The following CORO2B variants were observed in gnomAD, a reference collection of about 807,000 sequenced individuals.
CORO2B encodes coronin-2B.
CORO2B carries 26 observed loss-of-function variants against 58.8 expected under a neutral mutation model. The observed-to-expected ratio is 0.44, with a 90% confidence interval of 0.32 to 0.61. The LOEUF is 0.61. Among genes scored for constraint, CORO2B ranks in the 20% least tolerant of loss-of-function variants. The pLI, the probability that CORO2B is intolerant of heterozygous loss-of-function variation, is 0.04. For missense variants in CORO2B, 460 were observed against 645.1 expected (o/e 0.71, Z 3.11); for synonymous variants, 242 against 253.8 (o/e 0.95, Z 0.44).
At chr15:68,569,008 TA>T in the CORO2B span, among the ~76,000 whole-genome samples, 12 of 151,722 alleles carry the variant, frequency 7.9e-5, no homozygotes, top group South Asian at 4.2e-4. Flanking sequence ...AAAAAGCACA[TA>T]AAAAAAAGAA....
intron 2 of CORO2B, among the ~76,000 whole-genome samples, chr15:68,663,560 A>G (rs1387735475): frequency 6.6e-6 from 1 of 152,254 alleles, no homozygotes; most frequent in Non-Finnish European, 1.5e-5. Context: ...AGCAATAGCT[A>G]TAAAACAATC....
chr15:68,519,287 T>C, the CORO2B span, among the ~76,000 whole-genome samples: 1 of 152,158 alleles, frequency 6.6e-6, no homozygotes, highest in Non-Finnish European at 1.5e-5. Flanking sequence ...GCATGTGTGG[T>C]TGGCTGAAGT....
intron 2 of CORO2B, among the ~76,000 whole-genome samples, chr15:68,688,171 A>G (rs1903049488): frequency 1.3e-5 from 2 of 152,236 alleles, no homozygotes; most frequent in Admixed American, 1.3e-4. Context: ...TTTTTCAATC[A>G]AGGCTATGGG....
the CORO2B span, among the ~76,000 whole-genome samples, chr15:68,554,299 G>A: frequency 6.6e-6 from 1 of 152,084 alleles, no homozygotes; most frequent in Non-Finnish European, 1.5e-5. Context: ...TCCCAGCCTC[G>A]GGACGTGGAG....
At chr15:68,544,117 A>G in the CORO2B span, among the ~76,000 whole-genome samples, 2 of 152,192 alleles carry the variant, frequency 1.3e-5, no homozygotes, top group African/African-American at 4.8e-5. Flanking sequence ...ACAGACAACC[A>G]TGCAGTGCAG....
chr15:68,561,192 C>T, the CORO2B span, among the ~76,000 whole-genome samples: 2 of 152,086 alleles, frequency 1.3e-5, no homozygotes, highest in Non-Finnish European at 2.9e-5. Flanking sequence ...TGAGGGTGCT[C>T]GGGAGATAAG....
chr15:68,647,506 A>T (rs1022670355), intron 2 of CORO2B, among the ~76,000 whole-genome samples: 4 of 152,096 alleles, frequency 2.6e-5, no homozygotes, highest in Admixed American at 2.6e-4. Context: ...CCTGACCAAC[A>T]TGGAGAAACT....
At chr15:68,684,116 A>G (rs1596011976) in intron 2 of CORO2B, among the ~76,000 whole-genome samples, 1 of 152,140 alleles carries the variant, frequency 6.6e-6, no homozygotes, top group East Asian at 1.9e-4. Flanking sequence ...GGAAGGAGAT[A>G]AACCAGTGGG....
At chr15:68,668,607 G>C (rs1902274583) in intron 2 of CORO2B, among the ~76,000 whole-genome samples, 1 of 152,192 alleles carries the variant, frequency 6.6e-6, no homozygotes, top group Non-Finnish European at 1.5e-5. Context: ...GCCCAGGGCG[G>C]GGAGCCCCAG....
At chr15:68,545,823 G>T in the CORO2B span, among the ~76,000 whole-genome samples, 1 of 152,216 alleles carries the variant, frequency 6.6e-6, no homozygotes. Context: ...CTGCCATCAG[G>T]TGGGGCATCC....
the CORO2B span, among the ~76,000 whole-genome samples, chr15:68,555,264 G>A: frequency 6.6e-6 from 1 of 152,188 alleles, no homozygotes; most frequent in African/African-American, 2.4e-5. Context: ...AACCAGGTGT[G>A]TTCTCCACAC....
intron 1 of CORO2B, among the ~76,000 whole-genome samples, chr15:68,610,715 A>G (rs1209047227): frequency 1.4e-5 from 2 of 146,000 alleles, no homozygotes; most frequent in Non-Finnish European, 3.0e-5. Flanking sequence ...CTTGCAGAGT[A>G]GGGTACTCTG....
the CORO2B span, among the ~76,000 whole-genome samples, chr15:68,532,458 T>A: frequency 6.6e-6 from 1 of 152,174 alleles, no homozygotes; most frequent in African/African-American, 2.4e-5. Context: ...TCACATATTG[T>A]ATTTTTTTGT....
intron 2 of CORO2B, among the ~76,000 whole-genome samples, chr15:68,688,941 G>A (rs1471820222): frequency 6.6e-6 from 1 of 152,038 alleles, no homozygotes; most frequent in East Asian, 2.0e-4. Flanking sequence ...TCCTCCTGGG[G>A]CTGGGGATCA....
intron 2 of CORO2B, among the ~76,000 whole-genome samples, chr15:68,686,919 A>T (rs1336972571): frequency 6.6e-6 from 1 of 152,046 alleles, no homozygotes; most frequent in African/African-American, 2.4e-5. Context: ...AAAAGAAAAT[A>T]AAAAAATGAA....
At chr15:68,707,983 T>C (rs1892822123) in intron 3 of CORO2B, among the ~76,000 whole-genome samples, 1 of 151,936 alleles carries the variant, frequency 6.6e-6, no homozygotes, top group African/African-American at 2.4e-5. Flanking sequence ...ATGGGAGTCT[T>C]GGACTTTACT....
Position 68,710,855 on chromosome 15 carries a change from C to A in CORO2B, c.457C>A (p.Leu153Met), listed in dbSNP as rs1409234484. ...VEWHPTTNNI[L>M]FSAGYDYKVL... ...GTGGCACCCCACCACCAACAACATCCTGTTCAGCGCTGGCTACGACTACAA... is the reference window on the plus strand; with the variant it reads ...GTGGCACCCCACCACCAACAACATCATGTTCAGCGCTGGCTACGACTACAA... The change falls in exon 4 of 12, where the codon CTG (leucine) becomes ATG (methionine). Residue 153 changes from leucine (L) to methionine (M), a missense_variant. Leu to Met is a conservative substitution (Grantham distance 15). This residue lies in a region of CORO2B where 352 missense variants were observed against 543.0 expected (regional missense o/e 0.65). Transcript: ENST00000261861. This position sits in a 1 kb window ranked among gnomAD's most constrained non-coding sequence, Gnocchi z 4.1. 1.2e-6 allele frequency: 2 copies of A among 1,609,826 alleles called. No individual in the cohort carries two copies. Among genetic ancestry groups the A allele is most frequent in the South Asian group, 1.1e-5 (1 of 89,636 alleles).
chr15:68,611,441 T>C (rs1424856406), intron 1 of CORO2B, among the ~76,000 whole-genome samples: 9 of 152,214 alleles, frequency 5.9e-5, no homozygotes, highest in Admixed American at 5.9e-4. Context: ...TTCCTACCTT[T>C]TGCCTTTGAT....
chr15:68,548,657 G>A, the CORO2B span, among the ~76,000 whole-genome samples: 23 of 152,136 alleles, frequency 1.5e-4, no homozygotes, highest in Non-Finnish European at 2.1e-4. Flanking sequence ...TCCCCAAAGC[G>A]GTCTTACTAA....
Sources: gnomAD v4.1 joint callset for allele counts (sites outside exome capture counted in the v4.1 genomes callset) on GRCh38, gnomAD v4.1.1 for gene constraint, gnomAD v4.1.1 regional missense constraint, Gnocchi (gnomAD v3.1) non-coding constraint, MANE v1.5 for transcripts, NCBI Gene and HGNC (gene_info 2026-07-23, HGNC 2026-07-21) for gene names.